The following PTPRN2 variants were observed in gnomAD, a reference collection of about 807,000 sequenced individuals.
PTPRN2 encodes receptor-type tyrosine-protein phosphatase N2.
In PTPRN2, 74 loss-of-function variants were observed where a neutral mutation model predicts 118.8. That is an observed-to-expected ratio of 0.62 (90% CI 0.52 to 0.76). The LOEUF is 0.76. PTPRN2 is among the 30% of genes least tolerant of loss of function. The pLI, the probability that PTPRN2 is intolerant of heterozygous loss-of-function variation, is 0.00. For missense variants in PTPRN2, 1,481 were observed against 1,394.4 expected (o/e 1.06, Z -0.99); for synonymous variants, 641 against 608.0 (o/e 1.05, Z -0.80).
chr7:158,203,293 G>GAGGA (rs1826808187), intron 4 of PTPRN2, among the ~76,000 whole-genome samples: 1 of 148,674 alleles, frequency 6.7e-6, no homozygotes, highest in South Asian at 2.1e-4. Context: ...GGAAGGAAGG[G>GAGGA]AGGAAGGAAG....
At chr7:158,188,295 TCGCCCCCTGTATG>T (rs1563576909) in intron 5 of PTPRN2, among the ~76,000 whole-genome samples, 67 of 90,732 alleles carry the variant, frequency 7.4e-4, no homozygotes, top group Non-Finnish European at 1.0e-3. Context: ...GCCGCCACGC[TCGCCCCCTGTATG>T]GGGAAGGCCG....
At chr7:157,631,123 C>T (rs1273169227) in intron 14 of PTPRN2, among the ~76,000 whole-genome samples, 1 of 151,986 alleles carries the variant, frequency 6.6e-6, no homozygotes, top group African/African-American at 2.4e-5. Context: ...AACTGTTCTC[C>T]CTGCGTCTTA....
chr7:158,501,813 A>G (rs1156828890), intron 1 of PTPRN2, among the ~76,000 whole-genome samples: 5 of 152,158 alleles, frequency 3.3e-5, no homozygotes, highest in Non-Finnish European at 7.3e-5. Context: ...TGGAGCTTTC[A>G]TTATCGATCT....
At chr7:157,966,874 TGTCATCACC>T in intron 11 of PTPRN2, among the ~76,000 whole-genome samples, 1 of 151,792 alleles carries the variant, frequency 6.6e-6, no homozygotes, top group East Asian at 2.0e-4. Context: ...GCACCATCAC[TGTCATCACC>T]ATCATCATCA....
intron 2 of PTPRN2, among the ~76,000 whole-genome samples, chr7:158,336,626 A>T (rs28667712): frequency 1.0e-5 from 1 of 96,954 alleles, no homozygotes; most frequent in African/African-American, 4.3e-5. Flanking sequence ...TTGGTGACAC[A>T]TGCAGACGTC....
chr7:157,919,338 T>G (rs1434590238), intron 11 of PTPRN2, among the ~76,000 whole-genome samples: 2 of 152,180 alleles, frequency 1.3e-5, no homozygotes, highest in African/African-American at 4.8e-5. Context: ...ATTCTTAGGT[T>G]AAGAAGGAAA....
At chr7:157,858,148 C>T (rs1307178188) in intron 12 of PTPRN2, among the ~76,000 whole-genome samples, 1 of 35,390 alleles carries the variant, frequency 2.8e-5, no homozygotes, top group African/African-American at 1.2e-4. Context: ...GGGAGAGCCC[C>T]GTCACCACCC....
rs73510581 is a variant in PTPRN2, at chr7:158,554,472, A to G, written c.112+33086T>C. Among the ~76,000 whole-genome samples the G allele has an allele frequency of 7.2e-3, 1,096 of 151,742 alleles. 14 individuals are homozygous for G. Among genetic ancestry groups the G allele is most frequent in the African/African-American group, 0.025 (1,043 of 41,338 alleles). Reference sequence around the variant, plus strand: ...ATCAGTATCTGTCTATCTGCCATCTATCATCTGTCTCATATTGCTTTATCT... The same window carrying G: ...ATCAGTATCTGTCTATCTGCCATCTGTCATCTGTCTCATATTGCTTTATCT... On this transcript the variant is annotated intron_variant, in intron 1 of 22. Transcript: ENST00000389418.
chr7:157,774,738 C>G (rs1803090469), intron 12 of PTPRN2, among the ~76,000 whole-genome samples: 1 of 152,164 alleles, frequency 6.6e-6, no homozygotes. Context: ...GCACGCCCGA[C>G]AGGGGAGGTC....
intron 11 of PTPRN2, among the ~76,000 whole-genome samples, chr7:157,912,550 T>A (rs1256060852): frequency 1.3e-5 from 2 of 152,178 alleles, no homozygotes; most frequent in South Asian, 2.1e-4. Context: ...GTTTAAAAAA[T>A]TCTCCTTTAG....
intron 3 of PTPRN2, among the ~76,000 whole-genome samples, chr7:158,227,601 T>C (rs6974924): frequency 0.49 from 73,743 of 151,432 alleles, 19,036 homozygotes; most frequent in African/African-American, 0.67. Flanking sequence ...TTCACGACTA[T>C]ATAAAAAAAT....
chr7:158,576,293 C>T (rs1007275582), intron 1 of PTPRN2, among the ~76,000 whole-genome samples: 1 of 152,254 alleles, frequency 6.6e-6, no homozygotes, highest in Non-Finnish European at 1.5e-5. Context: ...TCAGACCACA[C>T]TCGTTTTGCA....
chr7:158,337,380 C>T (rs1586353275), intron 2 of PTPRN2, among the ~76,000 whole-genome samples: 1 of 106,428 alleles, frequency 9.4e-6, no homozygotes, highest in African/African-American at 3.3e-5. Flanking sequence ...CACACTCTCA[C>T]CATAAGAGGT....
chr7:157,718,938 C>A (rs191656228), intron 12 of PTPRN2, among the ~76,000 whole-genome samples: 20 of 152,306 alleles, frequency 1.3e-4, no homozygotes, highest in African/African-American at 4.3e-4. Flanking sequence ...GCCTGCCATG[C>A]CCCACCCCTT....
rs1158976327 is a variant in PTPRN2 at position 157,560,735 on chromosome 7, C to T, written c.2902+8167G>A. ...TCCCCTTCCCTCCTCCCACCTCACC[C>T]AATTCTGGGCACTTTTTCAGCCTGA... On this transcript the variant is annotated intron_variant, in intron 21 of 22. Coordinates refer to ENST00000389418, the MANE Select transcript of PTPRN2 (RefSeq NM_002847.5). The surrounding 1 kb of genome is among the most constrained non-coding windows in gnomAD (Gnocchi z 6.7). Among the ~76,000 whole-genome samples the T allele has an allele frequency of 2.0e-5, 3 of 152,186 alleles. No individual in the cohort carries two copies. The highest frequency in any genetic ancestry group is 4.4e-5 in the Non-Finnish European group (3 of 68,034).
chr7:158,524,454 GTCT>G (rs1824606878), intron 1 of PTPRN2, among the ~76,000 whole-genome samples: 1 of 61,032 alleles, frequency 1.6e-5, no homozygotes, highest in African/African-American at 6.3e-5. Context: ...CTGGAGCGGA[GTCT>G]GCCCTGGAGC....
At chr7:157,685,058 G>A (rs1459148290) in intron 12 of PTPRN2, among the ~76,000 whole-genome samples, 1 of 151,728 alleles carries the variant, frequency 6.6e-6, no homozygotes. Flanking sequence ...CCGGGGGCCC[G>A]GCCTGCGCCC....
intron 2 of PTPRN2, among the ~76,000 whole-genome samples, chr7:158,402,860 C>G (rs1006986986): frequency 6.6e-6 from 1 of 152,166 alleles, no homozygotes; most frequent in African/African-American, 2.4e-5. Flanking sequence ...CCTGGCTTTG[C>G]CCAGCAGAAA....
rs1234039457 is a variant in PTPRN2 at position 157,591,853 on chromosome 7, T to G, written c.2496+3385A>C. 1.3e-5 allele frequency among the ~76,000 whole-genome samples: 2 copies of G among 152,184 alleles called. No individual in the cohort carries two copies. Among genetic ancestry groups the G allele is most frequent in the African/African-American group, 4.8e-5 (2 of 41,442 alleles). ...GTTCTGCACAGAGGGATCCCCAGGT[T>G]GAAGGATGACGTGGAAGCAATGACG... is the stretch of plus-strand genomic sequence containing the variant. On this transcript the variant is annotated intron_variant, in intron 17 of 22. Transcript: ENST00000389418. This position sits in a 1 kb window ranked among gnomAD's most constrained non-coding sequence, Gnocchi z 4.4.
Sources: gnomAD v4.1 joint callset for allele counts (sites outside exome capture counted in the v4.1 genomes callset) on GRCh38, gnomAD v4.1.1 for gene constraint, Gnocchi (gnomAD v3.1) non-coding constraint, MANE v1.5 for transcripts, NCBI Gene and HGNC (gene_info 2026-07-23, HGNC 2026-07-21) for gene names.